PHACTR4: variants seen among roughly 807,000 people sequenced by gnomAD.
PHACTR4 encodes the protein protein phosphatase 1, regulatory subunit 124.
Under a neutral mutation model 72.7 loss-of-function variants are expected in PHACTR4, and 51 were observed. The observed-to-expected ratio is 0.70, with a 90% confidence interval of 0.56 to 0.89. PHACTR4 has a LOEUF of 0.89. Ranked by LOEUF, PHACTR4 falls within the 40% of genes least tolerant of loss-of-function variation. The pLI is 0.00. For missense variants in PHACTR4, 731 were observed against 861.8 expected, an observed-to-expected ratio of 0.85 and a Z score of 1.90; for synonymous variants, 255 against 302.5, an observed-to-expected ratio of 0.84 and a Z score of 1.63.
Position 28,459,129 on chromosome 1 carries a change from A to G in PHACTR4, c.61A>G (p.Ser21Gly). The G allele has an allele frequency of 1.9e-6, 3 of 1,614,098 alleles. No homozygotes were observed. Among genetic ancestry groups the G allele is most frequent in the Non-Finnish European group, 2.5e-6 (3 of 1,179,984 alleles). ...TACAGAGCCAGGCATGGTCCTGGAC[A>G]GTGTGGAAGCAGGAGACACAACACC... The part of the protein sequence containing the change: ...PTTEPGMVLD[S>G]VEAGDTTPPT... Residue 21 changes from serine (S) to glycine (G), a missense_variant, in exon 3 of 14, where the codon AGT (serine) becomes GGT (glycine). Transcript: ENST00000373839.
chr1:28,438,551 T>C, intron 2 of PHACTR4: 1 of 1,062,492 alleles, frequency 9.4e-7, no homozygotes, highest in Non-Finnish European at 1.3e-6. Context: ...CTTTGAAATG[T>C]TTATGTTTGT....
chr1:28,404,611 A>C (rs1046060870), intron 1 of PHACTR4, among the ~76,000 whole-genome samples: 7 of 152,102 alleles, frequency 4.6e-5, no homozygotes, highest in Non-Finnish European at 1.0e-4. Context: ...TCTCTTGGAT[A>C]TATACCTAGG....
intron 2 of PHACTR4, among the ~76,000 whole-genome samples, chr1:28,419,452 AC>A (rs1300326778): frequency 6.6e-6 from 1 of 152,030 alleles, no homozygotes; most frequent in Admixed American, 6.6e-5. Flanking sequence ...AGTGTAAAAA[AC>A]ATATATAAAG....
At chr1:28,445,848 C>CATGT (rs1657429133) in intron 2 of PHACTR4, among the ~76,000 whole-genome samples, 1 of 152,042 alleles carries the variant, frequency 6.6e-6, no homozygotes, top group Non-Finnish European at 1.5e-5. Context: ...GAGCCATGAT[C>CATGT]ATGTCACTGC....
chr1:28,369,863 C>T (rs1461469197), intron 1 of PHACTR4, 38 bp downstream of exon 1: 3 of 438,642 alleles, frequency 6.8e-6, no homozygotes, highest in Non-Finnish European at 1.4e-5. Context: ...GCAGGACGCG[C>T]TCAGTATCAG....
chr1:28,409,951 A>ATTTTTTTTTTTTTTT (rs57186471), intron 2 of PHACTR4, among the ~76,000 whole-genome samples: 2 of 66,364 alleles, frequency 3.0e-5, no homozygotes, highest in Admixed American at 2.3e-4. Context: ...TTCTTCATAA[A>ATTTTTTTTTTTTTTT]TTTTTTTTTT....
intron 13 of PHACTR4, among the ~76,000 whole-genome samples, chr1:28,494,911 G>A (rs911531403): frequency 3.9e-5 from 6 of 152,288 alleles, no homozygotes; most frequent in African/African-American, 1.4e-4. Context: ...TGATATGGAA[G>A]GATGAAGAGA....
chr1:28,473,550 C>G lies in PHACTR4; in HGVS notation c.824-4C>G. On this transcript the variant is annotated splice_region_variant and splice_polypyrimidine_tract_variant and intron_variant, in intron 6 of 13. Transcript: ENST00000373839. ...AAATTGATGTGTTGCTCTCTCTTTT[C>G]CAGCTGAACTGTCCCAAGCAATAAA... The G allele has an allele frequency of 1.3e-6, 2 of 1,583,860 alleles. No homozygotes were observed. Among genetic ancestry groups the G allele is most frequent in the African/African-American group, 1.3e-5 (1 of 74,252 alleles).
In PHACTR4 at chr1:28,451,085, G is replaced by T. The variant is rs1457926453; in HGVS notation, c.17-8000G>T. Among the ~76,000 whole-genome samples, 8 of 149,242 alleles carry T rather than the reference G, an allele frequency of 5.4e-5. No homozygotes were observed. The Admixed American group carries it at 5.5e-4, about 10-fold the overall frequency. On this transcript the variant is annotated intron_variant, in intron 2 of 13. Transcript: ENST00000373839. ...CCCGCCCACCTCGGCCTCCCAAAAT[G>T]CTAGGATTATAGGCACGAGCCACCG...
chr1:28,484,901 G>A (rs1343388377), intron 9 of PHACTR4, among the ~76,000 whole-genome samples: 1 of 152,066 alleles, frequency 6.6e-6, no homozygotes, highest in African/African-American at 2.4e-5. Context: ...AGGGGACAGA[G>A]GTTGCAGTGA....
intron 1 of PHACTR4, among the ~76,000 whole-genome samples, chr1:28,403,282 C>T (rs1486649542): frequency 2.0e-5 from 3 of 152,168 alleles, no homozygotes; most frequent in East Asian, 1.9e-4. Context: ...GTGGACCCCA[C>T]GGGGGCTCTG....
At chr1:28,470,463 G>T (rs961656337) in intron 6 of PHACTR4, among the ~76,000 whole-genome samples, 2 of 151,942 alleles carry the variant, frequency 1.3e-5, no homozygotes, top group African/African-American at 4.8e-5. Context: ...GCTGAGGCAG[G>T]TAGATTACCT....
intron 1 of PHACTR4, among the ~76,000 whole-genome samples, chr1:28,383,179 T>G (rs927666435): frequency 6.6e-6 from 1 of 152,160 alleles, no homozygotes; most frequent in Non-Finnish European, 1.5e-5. Flanking sequence ...GTGTGTGGCC[T>G]TTATTTCTGA....
chr1:28,491,626 A>G, intron 11 of PHACTR4, 24 bp from the exon 12 acceptor site: 1 of 1,613,882 alleles, frequency 6.2e-7, no homozygotes, highest in South Asian at 1.1e-5. Flanking sequence ...GGCTTGGTGA[A>G]CTAAGAGGCT....
intron 2 of PHACTR4, chr1:28,438,278 C>T: frequency 6.8e-7 from 1 of 1,481,246 alleles, no homozygotes; most frequent in East Asian, 2.6e-5. Context: ...GGCAGTGACA[C>T]TGAAAGAGGA....
intron 9 of PHACTR4, among the ~76,000 whole-genome samples, chr1:28,487,518 CAAA>C (rs796633179): frequency 1.3e-5 from 1 of 77,336 alleles, no homozygotes. Context: ...GACACACACA[CAAA>C]AAAAAAAAAA....
At chr1:28,485,968 G>C (rs1395025728) in intron 9 of PHACTR4, among the ~76,000 whole-genome samples, 5 of 152,030 alleles carry the variant, frequency 3.3e-5, no homozygotes, top group Non-Finnish European at 7.3e-5. Flanking sequence ...CTCATAGTAA[G>C]TGTTATCACT....
At chr1:28,480,652 T>C in intron 9 of PHACTR4, 48 bp downstream of exon 9, 1 of 1,606,692 alleles carries the variant, frequency 6.2e-7, no homozygotes, top group Non-Finnish European at 8.5e-7. Flanking sequence ...ATGCCAGTAT[T>C]TGTGTTAGAT....
chr1:28,410,396 G>A (rs10902705), intron 2 of PHACTR4, among the ~76,000 whole-genome samples: 39,386 of 151,908 alleles, frequency 0.26, 5,227 homozygotes, highest in Middle Eastern at 0.34. Context: ...AATAATACAT[G>A]ACAACTCCGT....
Sources: allele counts gnomAD v4.1 joint callset (sites outside exome capture counted in the v4.1 genomes callset), GRCh38; gene constraint gnomAD v4.1.1; transcripts MANE v1.5; gene names NCBI Gene and HGNC (gene_info 2026-07-23, HGNC 2026-07-21).